Variants in EBF1 observed in about 807,000 individuals in gnomAD.
EBF1 encodes the protein transcription factor COE1.
A neutral mutation model predicts 68.4 loss-of-function variants in EBF1; 10 were observed. The observed-to-expected ratio is 0.15, with a 90% CI of 0.09 to 0.25. EBF1 has a LOEUF of 0.25. Ranked by LOEUF, EBF1 falls within the 10% of genes least tolerant of loss-of-function variation. EBF1 has a pLI of 1.00. For missense variants in EBF1, 509 were observed against 794.4 expected, an observed-to-expected ratio of 0.64 and a Z score of 4.32; for synonymous variants, 298 against 299.8, an observed-to-expected ratio of 0.99 and a Z score of 0.06.
In EBF1 at chr5:159,003,771, T is replaced by C. The variant is rs1299419925; in HGVS notation, c.554+69625A>G. 4.6e-5 allele frequency among the ~76,000 whole-genome samples: 7 copies of C among 152,208 alleles called. No individual in the cohort carries two copies. The South Asian group carries it at 6.2e-4, about 13-fold the overall frequency. ...CCTGGCTCAATCCACACTTCAGCTC[T>C]AGTAGGTGTGATCTATCACTGCTCC... On this transcript the variant is annotated intron_variant, in intron 6 of 15. Transcript: ENST00000313708.
intron 7 of EBF1, among the ~76,000 whole-genome samples, chr5:158,835,719 C>T (rs1788630349): frequency 1.3e-5 from 2 of 152,120 alleles, no homozygotes; most frequent in Admixed American, 1.3e-4. Flanking sequence ...ATATCTGAGT[C>T]AGACTGCTTG....
intron 6 of EBF1, among the ~76,000 whole-genome samples, chr5:158,996,811 A>C (rs1761505425): frequency 6.6e-6 from 1 of 152,234 alleles, no homozygotes; most frequent in Admixed American, 6.5e-5. Context: ...TAAAAGCTAT[A>C]AAACAAGCTA....
intron 6 of EBF1, among the ~76,000 whole-genome samples, chr5:158,975,141 T>A (rs1190032814): frequency 6.6e-6 from 1 of 152,202 alleles, no homozygotes; most frequent in Non-Finnish European, 1.5e-5. Context: ...AATTGAATAT[T>A]TGAGGGGAAA....
chr5:158,853,912 A>C (rs747917011), intron 6 of EBF1, among the ~76,000 whole-genome samples: 6 of 152,224 alleles, frequency 3.9e-5, no homozygotes, highest in Non-Finnish European at 5.9e-5. Flanking sequence ...TGAGTGAACT[A>C]GGCTGCATGT....
intron 15 of EBF1, among the ~76,000 whole-genome samples, chr5:158,705,821 TG>T (rs1349018401): frequency 1.3e-5 from 2 of 152,204 alleles, no homozygotes; most frequent in African/African-American, 4.8e-5. Flanking sequence ...TGTTGGCCTA[TG>T]ATAGAGCCAC....
intron 6 of EBF1, among the ~76,000 whole-genome samples, chr5:159,031,634 C>G (rs920909100): frequency 6.6e-6 from 1 of 152,192 alleles, no homozygotes; most frequent in Non-Finnish European, 1.5e-5. Flanking sequence ...TAAAATCATG[C>G]ATTCAGTCTG....
At chr5:158,997,028 A>G (rs1761556889) in intron 6 of EBF1, among the ~76,000 whole-genome samples, 1 of 152,168 alleles carries the variant, frequency 6.6e-6, no homozygotes, top group Non-Finnish European at 1.5e-5. Context: ...GGATCAGAAC[A>G]CAGCACACGT....
At chr5:158,721,203 T>TAA (rs2127517035) in intron 11 of EBF1, among the ~76,000 whole-genome samples, 1 of 152,274 alleles carries the variant, frequency 6.6e-6, no homozygotes, top group African/African-American at 2.4e-5. Context: ...CCCTCTTACT[T>TAA]CTCAAACATA....
At chr5:158,722,788 C>T (rs1285372023) in intron 11 of EBF1, among the ~76,000 whole-genome samples, 1 of 152,128 alleles carries the variant, frequency 6.6e-6, no homozygotes, top group African/African-American at 2.4e-5. Context: ...CTCTAATGCT[C>T]CACTGAAGTG....
chr5:159,040,635 G>A (rs1384106438), intron 6 of EBF1, among the ~76,000 whole-genome samples: 2 of 152,168 alleles, frequency 1.3e-5, no homozygotes, highest in Admixed American at 6.5e-5. Flanking sequence ...TTTTACATAT[G>A]TTTTTAACAC....
chr5:159,052,015 A>AAATT, intron 6 of EBF1, among the ~76,000 whole-genome samples: 1 of 151,288 alleles, frequency 6.6e-6, no homozygotes, highest in Non-Finnish European at 1.5e-5. Context: ...CACGCAAAAA[A>AAATT]ATTATTATTA....
At chr5:158,843,757 G>A (rs537587728) in intron 6 of EBF1, among the ~76,000 whole-genome samples, 38 of 152,244 alleles carry the variant, frequency 2.5e-4, no homozygotes, top group South Asian at 2.3e-3. Context: ...TGACCCTTTC[G>A]GATTACAGTT....
At chr5:158,812,374 C>T (rs1411909279) in intron 8 of EBF1, among the ~76,000 whole-genome samples, 1 of 152,124 alleles carries the variant, frequency 6.6e-6, no homozygotes, top group Non-Finnish European at 1.5e-5. Flanking sequence ...ACGTGGAGTC[C>T]CATTTCCTGG....
intron 7 of EBF1, among the ~76,000 whole-genome samples, chr5:158,832,887 G>T (rs553481094): frequency 6.6e-6 from 1 of 152,054 alleles, no homozygotes; most frequent in Non-Finnish European, 1.5e-5. Context: ...TGGGAATTTG[G>T]GATGAATAAC....
At chr5:159,033,358 CAAAT>C (rs921797261) in intron 6 of EBF1, among the ~76,000 whole-genome samples, 1 of 152,198 alleles carries the variant, frequency 6.6e-6, no homozygotes, top group African/African-American at 2.4e-5. Flanking sequence ...GCTCTGAACT[CAAAT>C]GAATGTTTTT....
intron 11 of EBF1, 133 bp from the exon 12 acceptor site, chr5:158,714,315 C>A: frequency 1.1e-6 from 1 of 937,494 alleles, no homozygotes; most frequent in Non-Finnish European, 1.7e-6. Flanking sequence ...TTGGGGAACC[C>A]CAGAAGGGTG....
At chr5:159,000,603 ATTCACCT>A (rs1762344865) in intron 6 of EBF1, among the ~76,000 whole-genome samples, 1 of 152,190 alleles carries the variant, frequency 6.6e-6, no homozygotes, top group African/African-American at 2.4e-5. Flanking sequence ...CAATAATAAA[ATTCACCT>A]TTCAAGTAAA....
intron 6 of EBF1, among the ~76,000 whole-genome samples, chr5:158,976,389 A>G (rs757322354): frequency 6.6e-6 from 1 of 151,576 alleles, no homozygotes; most frequent in Non-Finnish European, 1.5e-5. Context: ...ATGTGTGCAA[A>G]CCCACAATAA....
intron 6 of EBF1, among the ~76,000 whole-genome samples, chr5:158,942,140 T>C (rs1192557513): frequency 6.6e-6 from 1 of 152,244 alleles, no homozygotes; most frequent in African/African-American, 2.4e-5. Flanking sequence ...CAAACTGTGC[T>C]ATATAAAATA....
Sources: allele counts gnomAD v4.1 joint callset (sites outside exome capture counted in the v4.1 genomes callset), GRCh38; gene constraint gnomAD v4.1.1; transcripts MANE v1.5; gene names NCBI Gene and HGNC (gene_info 2026-07-23, HGNC 2026-07-21).